Variants in IGF2BP1 observed in about 807,000 individuals in gnomAD.
The protein encoded by IGF2BP1 is insulin-like growth factor 2 mRNA-binding protein 1.
IGF2BP1 carries 11 observed loss-of-function variants against 74.9 expected under a neutral mutation model. The observed-to-expected ratio is 0.15, with a 90% CI of 0.09 to 0.24. IGF2BP1 has a LOEUF of 0.24. Among genes scored for constraint, IGF2BP1 ranks in the 10% least tolerant of loss-of-function variants. The pLI is 1.00. For synonymous variants in IGF2BP1, 287 were observed against 281.8 expected, an observed-to-expected ratio of 1.02 and a Z score of -0.18; for missense variants, 440 against 757.4, an observed-to-expected ratio of 0.58 and a Z score of 4.92.
chr17:49,015,619 C>T (rs1300915935), intron 2 of IGF2BP1, among the ~76,000 whole-genome samples: 2 of 152,218 alleles, frequency 1.3e-5, no homozygotes, highest in Admixed American at 6.5e-5. Flanking sequence ...TCCACTTCCT[C>T]AGTCTACCCC....
At chr17:49,027,744 T>A (rs949443326) in intron 4 of IGF2BP1, among the ~76,000 whole-genome samples, 4 of 147,326 alleles carry the variant, frequency 2.7e-5, no homozygotes, top group Admixed American at 7.0e-5. Flanking sequence ...CCCAGCTACT[T>A]GGGAGGCTGA....
intron 10 of IGF2BP1, 99 bp from the exon 11 acceptor site, chr17:49,043,868 C>T (rs1300546548): frequency 1.3e-6 from 2 of 1,524,444 alleles, no homozygotes; most frequent in African/African-American, 1.4e-5. Flanking sequence ...GGTTTGGTGC[C>T]TGTACTCCTT....
rs2042102504 is a variant in IGF2BP1, at chr17:49,045,824, T to C, written c.1396-66T>C. The stretch of plus-strand genomic sequence containing the variant: ...AGAAAATATGGGCTGGAGCTTCCTT[T>C]TTCCCACTTTTCTCTTTTGTCACAG... On this transcript the variant is annotated intron_variant, in intron 12 of 14. Transcript: ENST00000290341. The C allele has an allele frequency of 2.6e-6, 4 of 1,549,422 alleles. No homozygotes were observed. The East Asian group carries it at 9.1e-5, about 35-fold the overall frequency.
At chr17:48,996,812 G>T (rs2041405551), upstream of IGF2BP1, among the ~76,000 whole-genome samples, 1 of 152,140 alleles carries the variant, frequency 6.6e-6, no homozygotes, top group South Asian at 2.1e-4. Flanking sequence ...GGGTCCCCCG[G>T]TCCTGCATCC....
Position 49,055,721 on chromosome 17 carries a change from C to T in IGF2BP1, c.*6277C>T. The T allele has an allele frequency of 2.5e-6, 1 of 398,504 alleles. No individual in the cohort carries two copies. Among genetic ancestry groups the T allele is most frequent in the Non-Finnish European group, 4.4e-6 (1 of 226,054 alleles). 24.7% of individuals were successfully genotyped at this position (398,504 alleles called of 1,614,324 possible). On this transcript the variant is annotated 3_prime_UTR_variant, in exon 15 of 15. Coordinates refer to ENST00000290341, the MANE Select transcript of IGF2BP1 (RefSeq NM_006546.4). ...CAGAGTGAATCAAAAGAGCTTCCTC[C>T]CCTGAGGCAAAGTGGATTTGTAAGC...
chr17:49,009,542 CTAA>C (rs1299113141), intron 2 of IGF2BP1, among the ~76,000 whole-genome samples: 2 of 150,562 alleles, frequency 1.3e-5, no homozygotes, highest in East Asian at 4.0e-4. Context: ...AACCCTGTCT[CTAA>C]TAATAATACA....
chr17:49,044,710 T>G (rs141349587), intron 11 of IGF2BP1, among the ~76,000 whole-genome samples: 2 of 152,382 alleles, frequency 1.3e-5, no homozygotes, highest in Non-Finnish European at 2.9e-5. Flanking sequence ...TTGGCAAGAC[T>G]CCACTGAAAC....
Position 49,056,128 on chromosome 17 carries a change from A to G in IGF2BP1, c.*6684A>G, listed in dbSNP as rs114482724. On this transcript the variant is annotated 3_prime_UTR_variant, in exon 15 of 15. Coordinates refer to ENST00000290341, the MANE Select transcript of IGF2BP1 (RefSeq NM_006546.4). ...TGTTTCAATTTCAAAATAAAAGGAA[A>G]CTTATATTGAAAGACAAGTATGTCT... Among the ~76,000 whole-genome samples the G allele has an allele frequency of 1.7e-3, 265 of 152,184 alleles. 1 individual carries two copies. Among genetic ancestry groups the G allele is most frequent in the African/African-American group, 5.9e-3 (245 of 41,528 alleles).
chr17:49,043,064 G>A lies in IGF2BP1; in HGVS notation c.1078-364G>A, dbSNP rs569748353. Among the ~76,000 whole-genome samples the A allele has an allele frequency of 8.5e-5, 13 of 152,242 alleles. No individual in the cohort carries two copies. In the South Asian group the frequency reaches 2.7e-3, roughly 32 times the overall value. On this transcript the variant is annotated intron_variant, in intron 9 of 14. Transcript: ENST00000290341. ...ATCAGAGTCCTAGAAGTCCAATGGA[G>A]CTCTGTCTCCACGCCTTTTTCTCAT...
chr17:49,022,674 G>A (rs2041807282), intron 2 of IGF2BP1, among the ~76,000 whole-genome samples: 2 of 152,132 alleles, frequency 1.3e-5, no homozygotes, highest in African/African-American at 4.8e-5. Context: ...TTCAGGATAT[G>A]GATTAACATC....
intron 2 of IGF2BP1, among the ~76,000 whole-genome samples, chr17:49,019,935 T>TATATATATTTATATAC (rs2041762965): frequency 1.6e-5 from 1 of 61,570 alleles, no homozygotes; most frequent in Admixed American, 1.7e-4. Flanking sequence ...TATATATATA[T>TATATATATTTATATAC]ATATATATAT....
At chr17:49,035,464 T>G (rs1234228762) in intron 5 of IGF2BP1, among the ~76,000 whole-genome samples, 1 of 152,198 alleles carries the variant, frequency 6.6e-6, no homozygotes, top group Non-Finnish European at 1.5e-5. Context: ...GTGTCCTAAT[T>G]CAGTTATCTT....
rs1259711483 is a variant in IGF2BP1, at chr17:49,040,074, G to A, written c.801G>A (p.Glu267=). The A allele has an allele frequency of 6.2e-7, 1 of 1,613,996 alleles. No homozygotes were observed. Among genetic ancestry groups the A allele is most frequent in the African/African-American group, 1.3e-5 (1 of 74,916 alleles). The change falls in exon 7 of 15, where the codon GAG becomes GAA. Residue 267 remains glutamate (E), a synonymous_variant. Coordinates refer to ENST00000290341, the MANE Select transcript of IGF2BP1 (RefSeq NM_006546.4). ...CKMILEIMHK[E]AKDTKTADEV... ...TGATCTTGGAGATTATGCATAAAGAGGCTAAGGACACCAAAACGTAAGTCT... is the reference window on the plus strand; with the variant it reads ...TGATCTTGGAGATTATGCATAAAGAAGCTAAGGACACCAAAACGTAAGTCT...
chr17:48,998,501 G>C (rs1013718681), intron 1 of IGF2BP1, among the ~76,000 whole-genome samples: 2 of 151,876 alleles, frequency 1.3e-5, no homozygotes, highest in African/African-American at 2.4e-5. Context: ...GGCGTGAGCG[G>C]GGTGGCGCGG....
Position 49,045,911 on chromosome 17 carries a change from A to C in IGF2BP1, c.1417A>C (p.Lys473Gln), listed in dbSNP as rs752270787. The stretch of plus-strand genomic sequence containing the variant: ...TCAGGCTCAGGGAAGAATCTATGGC[A>C]AACTCAAGGAGGAGAACTTCTTTGG... ...QFKAQGRIYG[K>Q]LKEENFFGPK... Residue 473 changes from lysine (K) to glutamine (Q), a missense_variant, in exon 13 of 15, where the codon AAA becomes CAA. Coordinates refer to ENST00000290341, the MANE Select transcript of IGF2BP1 (RefSeq NM_006546.4). The C allele has an allele frequency of 6.2e-7, 1 of 1,614,108 alleles. No individual in the cohort carries two copies. Among genetic ancestry groups the C allele is most frequent in the East Asian group, 2.2e-5 (1 of 44,882 alleles).
At chr17:49,016,789 GC>G (rs2041709462) in intron 2 of IGF2BP1, among the ~76,000 whole-genome samples, 1 of 115,448 alleles carries the variant, frequency 8.7e-6, no homozygotes, top group Non-Finnish European at 1.8e-5. Flanking sequence ...CAGCCCGCCA[GC>G]CCGCCCGCCC....
intron 9 of IGF2BP1, among the ~76,000 whole-genome samples, chr17:49,042,618 G>A (rs1445628603): frequency 6.6e-6 from 1 of 152,104 alleles, no homozygotes; most frequent in South Asian, 2.1e-4. Flanking sequence ...CCAAGTATGT[G>A]TACAATTTGT....
chr17:49,012,676 CAA>C (rs2041635466), intron 2 of IGF2BP1: 1 of 152,202 alleles, frequency 6.6e-6, no homozygotes, highest in South Asian at 2.1e-4. Flanking sequence ...CAGGAAGGGA[CAA>C]AGAGTTGACC....
At chr17:49,022,348 T>C (rs1036801928) in intron 2 of IGF2BP1, among the ~76,000 whole-genome samples, 1 of 152,234 alleles carries the variant, frequency 6.6e-6, no homozygotes, top group Non-Finnish European at 1.5e-5. Context: ...CCATATTTAA[T>C]AGAAACCGGG....
Sources: gnomAD v4.1 joint callset for allele counts (sites outside exome capture counted in the v4.1 genomes callset) on GRCh38, gnomAD v4.1.1 for gene constraint, MANE v1.5 for transcripts, NCBI Gene and HGNC (gene_info 2026-07-23, HGNC 2026-07-21) for gene names.